SP140: variants seen among roughly 807,000 people sequenced by gnomAD.
SP140 encodes nuclear body protein SP140.
SP140 carries 81 observed loss-of-function variants against 125.0 expected under a neutral mutation model. That is an observed-to-expected ratio of 0.65 (90% CI 0.54 to 0.78). SP140 has a LOEUF of 0.78. Among genes scored for constraint, SP140 ranks in the 30% least tolerant of loss-of-function variants. The probability of loss-of-function intolerance (pLI) is 0.00; values close to 1 mark genes in which losing one functional copy is unlikely to be tolerated. For synonymous variants in SP140, 312 were observed against 354.0 expected (o/e 0.88, Z 1.33); for missense variants, 858 against 1,037.0 (o/e 0.83, Z 2.37).
intron 12 of SP140, among the ~76,000 whole-genome samples, chr2:230,256,344 TA>T (rs369362225): frequency 0.011 from 1,701 of 152,018 alleles, 21 homozygotes; most frequent in African/African-American, 0.03. Flanking sequence ...TATGCAGCCA[TA>T]AAAAATGATG....
At chr2:230,214,878 G>A in intron 3 of SP140, 2 of 1,284,276 alleles carry the variant, frequency 1.6e-6, no homozygotes, top group Non-Finnish European at 2.3e-6. Context: ...TATTCCACAG[G>A]GCTAGAAGTA....
rs915819190 is a variant in SP140 at position 230,259,528 on chromosome 2, A to G, written c.1240+3996A>G. Among the ~76,000 whole-genome samples the G allele has an allele frequency of 9.9e-4, 149 of 149,926 alleles. 2 individuals carry two copies. Among genetic ancestry groups the G allele is most frequent in the African/African-American group, 3.4e-3 (139 of 41,054 alleles). On this transcript the variant is annotated intron_variant, in intron 12 of 26. Coordinates refer to ENST00000392045, the MANE Select transcript of SP140 (RefSeq NM_007237.5). Reference sequence around the variant, plus strand: ...CCCCGCCTCCGCTAAAAAAAAAAAAATACAAAAATTAGTCAGGCATGGTAG... The same window carrying G: ...CCCCGCCTCCGCTAAAAAAAAAAAAGTACAAAAATTAGTCAGGCATGGTAG...
chr2:230,292,954 G>T (rs2057298108), intron 20 of SP140, among the ~76,000 whole-genome samples, 166 bp downstream of exon 20: 1 of 152,204 alleles, frequency 6.6e-6, no homozygotes, highest in Admixed American at 6.5e-5. Flanking sequence ...CCACACTACA[G>T]TGCAACACAT....
At chr2:230,187,455 G>A in the SP140 span, among the ~76,000 whole-genome samples, 4 of 152,112 alleles carry the variant, frequency 2.6e-5, no homozygotes, top group Admixed American at 6.5e-5. Context: ...TGTTTACTCT[G>A]ATGTTTATTT....
At chr2:230,272,067 CACAA>C (rs1559304987) in intron 15 of SP140, among the ~76,000 whole-genome samples, 2 of 152,088 alleles carry the variant, frequency 1.3e-5, no homozygotes, top group African/African-American at 4.8e-5. Flanking sequence ...TGACAGATGA[CACAA>C]ACAAATGGAA....
At position 230,287,508 on chromosome 2, in the gene SP140, A is replaced by G. The variant is rs192856923; in HGVS notation, c.1646-384A>G. ...ACGGTAATCATCATTTTGATCTTGC[A>G]AAGATTAAATAAATTAATGGATATG... On this transcript the variant is annotated intron_variant, in intron 17 of 26. Transcript: ENST00000392045. Among the ~76,000 whole-genome samples, 267 of 152,344 alleles carry G rather than the reference A, an allele frequency of 1.8e-3. 2 individuals carry two copies. Among genetic ancestry groups the G allele is most frequent in the South Asian group, 0.013 (65 of 4,832 alleles).
At chr2:230,195,354 G>T in the SP140 span, among the ~76,000 whole-genome samples, 1,475 of 152,148 alleles carry the variant, frequency 9.7e-3, 8 homozygotes, top group Middle Eastern at 0.027. Flanking sequence ...AGTTTTTTGG[G>T]GACAGAGTCT....
downstream of SP140, among the ~76,000 whole-genome samples, chr2:230,314,562 C>T (rs1240671718): frequency 2.0e-5 from 3 of 152,212 alleles, no homozygotes; most frequent in Non-Finnish European, 4.4e-5. Context: ...TCCTGGGTGG[C>T]TCCTAGAGAC....
At chr2:230,251,889 G>C (rs1016316246) in intron 10 of SP140, among the ~76,000 whole-genome samples, 1 of 152,058 alleles carries the variant, frequency 6.6e-6, no homozygotes, top group Non-Finnish European at 1.5e-5. Flanking sequence ...ATGTGACACC[G>C]GTGTTTGTTA....
intron 15 of SP140, among the ~76,000 whole-genome samples, chr2:230,271,876 C>T (rs928205762): frequency 1.3e-5 from 2 of 152,134 alleles, no homozygotes; most frequent in African/African-American, 4.8e-5. Context: ...TCAGATTATA[C>T]ATTCACAAAA....
At chr2:230,202,872 T>C, upstream of SP140, 2 of 768,410 alleles carry the variant, frequency 2.6e-6, no homozygotes, top group East Asian at 5.0e-5. Context: ...TTTCTCCTCC[T>C]ACTTCTCTAT....
At chr2:230,272,705 T>A (rs765983039) in intron 15 of SP140, among the ~76,000 whole-genome samples, 3 of 152,078 alleles carry the variant, frequency 2.0e-5, no homozygotes, top group Non-Finnish European at 4.4e-5. Context: ...AACAGACTAA[T>A]ACAGTAACCA....
upstream of SP140, among the ~76,000 whole-genome samples, chr2:230,201,867 A>T (rs1317281481): frequency 1.3e-5 from 2 of 152,252 alleles, no homozygotes; most frequent in Non-Finnish European, 1.5e-5. Flanking sequence ...TTAAGAAACT[A>T]TCACTTGTTG....
chr2:230,225,949 G>C, intron 1 of SP140, 46 bp downstream of exon 1: 1 of 1,508,618 alleles, frequency 6.6e-7, no homozygotes. Flanking sequence ...CTCTGGTAGG[G>C]TTCCCTTTCA....
intron 15 of SP140, among the ~76,000 whole-genome samples, chr2:230,281,346 C>A (rs764985754): frequency 2.6e-5 from 4 of 152,234 alleles, no homozygotes; most frequent in Non-Finnish European, 5.9e-5. Context: ...GACGTTAGCA[C>A]TATTCCCCCT....
upstream of SP140, among the ~76,000 whole-genome samples, chr2:230,222,730 AC>A (rs1310547337): frequency 6.7e-6 from 1 of 150,172 alleles, no homozygotes; most frequent in Non-Finnish European, 1.5e-5. Flanking sequence ...CATTTCTGTT[AC>A]CCTAGAAAGT....
chr2:230,268,533 A>AT (rs1306855387), intron 12 of SP140, among the ~76,000 whole-genome samples: 3 of 152,110 alleles, frequency 2.0e-5, no homozygotes, highest in Non-Finnish European at 2.9e-5. Context: ...CTAAAAAAAA[A>AT]AAAAAAGACA....
At chr2:230,208,570 C>A (rs933834820) in intron 1 of SP140, among the ~76,000 whole-genome samples, 3 of 152,186 alleles carry the variant, frequency 2.0e-5, no homozygotes, top group Non-Finnish European at 4.4e-5. Flanking sequence ...CATCTGATAT[C>A]TCCTTATGGT....
chr2:230,241,739 CAG>C (rs1357919729), intron 4 of SP140, among the ~76,000 whole-genome samples: 3 of 152,152 alleles, frequency 2.0e-5, no homozygotes, highest in South Asian at 2.1e-4. Context: ...GAAAGGTAGA[CAG>C]AGAATAATAC....
Sources: gnomAD v4.1 joint callset for allele counts (sites outside exome capture counted in the v4.1 genomes callset) on GRCh38, gnomAD v4.1.1 for gene constraint, MANE v1.5 for transcripts, NCBI Gene and HGNC (gene_info 2026-07-23, HGNC 2026-07-21) for gene names.